Variants in G3BP1 observed in about 807,000 individuals in gnomAD.
The protein encoded by G3BP1 is ras GTPase-activating protein-binding protein 1.
G3BP1 carries 35 observed loss-of-function variants against 58.6 expected under a neutral mutation model. That is an observed-to-expected ratio of 0.60 (90% CI 0.46 to 0.79). The LOEUF (loss-of-function observed/expected upper bound fraction) is 0.79, where lower values mean the gene tolerates loss of function less well. G3BP1 is among the 30% of genes least tolerant of loss of function. The pLI is 0.00. For missense variants in G3BP1, 523 were observed against 580.8 expected, an observed-to-expected ratio of 0.90 and a Z score of 1.02; for synonymous variants, 191 against 195.4, an observed-to-expected ratio of 0.98 and a Z score of 0.19.
rs368131262 is a variant in G3BP1, at chr5:151,801,273, GCTT to G, written c.1194+411_1194+413del. Among the ~76,000 whole-genome samples, 24 of 152,218 alleles carry G rather than the reference GCTT, an allele frequency of 1.6e-4. No individual in the cohort carries two copies. In the East Asian group the frequency reaches 4.4e-3, roughly 28 times the overall value. ...TGTTTTTAGAGAATAACTATTAAGA[GCTT>G]CTTCTTTAAGTTAATAAATTGGATT... On this transcript the variant is annotated intron_variant, in intron 11 of 11. Transcript: ENST00000356245.
At chr5:151,781,898 A>T (rs535164646) in intron 1 of G3BP1, among the ~76,000 whole-genome samples, 5 of 152,162 alleles carry the variant, frequency 3.3e-5, no homozygotes, top group African/African-American at 9.6e-5. Context: ...CAGATTTTCA[A>T]CTCTGGGCTA....
chr5:151,796,297 C>G (rs991164602), intron 6 of G3BP1, among the ~76,000 whole-genome samples: 11 of 152,212 alleles, frequency 7.2e-5, no homozygotes, highest in African/African-American at 2.7e-4. Context: ...GAGACAGAGT[C>G]TTGCTCTGTT....
rs1276930538 is a variant in G3BP1 at position 151,771,988 on chromosome 5, CCT to C, written c.-96_-95del. 1 of 152,490 alleles carries C rather than the reference CCT, an allele frequency of 6.6e-6. No individual in the cohort carries two copies. The highest frequency in any genetic ancestry group is 1.5e-5 in the Non-Finnish European group (1 of 68,256). 9.4% of individuals were successfully genotyped at this position (152,490 alleles called of 1,614,324 possible). ...CAGTTGCGTGAGGGGTTTGTACTAT[CCT>C]CGGTGCTGTGGTGCAGAGCTAGTTC... On this transcript the variant is annotated 5_prime_UTR_variant, in exon 1 of 12. Coordinates refer to ENST00000356245, the MANE Select transcript of G3BP1 (RefSeq NM_005754.3).
At chr5:151,782,919 G>A (rs1192129558) in intron 1 of G3BP1, among the ~76,000 whole-genome samples, 2 of 141,396 alleles carry the variant, frequency 1.4e-5, no homozygotes, top group African/African-American at 2.7e-5. Flanking sequence ...GTGCAGTGGC[G>A]TGATCTCGGC....
chr5:151,774,063 G>C (rs994363625), intron 1 of G3BP1, among the ~76,000 whole-genome samples: 1 of 152,188 alleles, frequency 6.6e-6, no homozygotes, highest in African/African-American at 2.4e-5. Flanking sequence ...CTGATTACTT[G>C]TGCATTTATC....
Position 151,812,015 on chromosome 5 carries a change from C to T in G3BP1, c.*7924C>T, listed in dbSNP as rs899114269. The T allele has an allele frequency of 2.0e-5, 3 of 152,128 alleles. No individual in the cohort carries two copies. The highest frequency in any genetic ancestry group is 6.5e-5 in the Admixed American group (1 of 15,268). The allele number at this position is 152,128 out of a possible 1,614,324, so 9.4% of individuals were successfully genotyped here. A position where few individuals can be genotyped will look rare whatever the true frequency, so the allele number is the denominator to read the frequency against. ...TACTTTGGCTAGCTGTCAGAGTTGC[C>T]GCTATGTGAGCTTGTGACTTCTGGT... On this transcript the variant is annotated 3_prime_UTR_variant, in exon 12 of 12. Transcript: ENST00000356245.
At chr5:151,775,733 G>A (rs1284408164) in intron 1 of G3BP1, among the ~76,000 whole-genome samples, 3 of 152,196 alleles carry the variant, frequency 2.0e-5, no homozygotes, top group East Asian at 3.8e-4. Flanking sequence ...ATCTTTTCAC[G>A]TGATGAGAAA....
At chr5:151,795,719 T>A in intron 6 of G3BP1, 144 bp downstream of exon 6, 1 of 530,076 alleles carries the variant, frequency 1.9e-6, no homozygotes, top group Non-Finnish European at 3.4e-6. Flanking sequence ...TCTGGTAATT[T>A]TGACTAAACA....
rs182255032 is a variant in G3BP1 at position 151,779,195 on chromosome 5, C to T, written c.-50+7159C>T. On this transcript the variant is annotated intron_variant, in intron 1 of 11. Transcript: ENST00000356245. The stretch of plus-strand genomic sequence containing the variant: ...TTAATTTTGAGGCAGTCTACGTGAT[C>T]AATTCGCTTTCTTCTTCATTTGCTT... 1.3e-3 allele frequency among the ~76,000 whole-genome samples: 201 copies of T among 152,244 alleles called. 2 individuals are homozygous for T. The highest frequency in any genetic ancestry group is 6.2e-4 in the Non-Finnish European group (42 of 68,016).
At chr5:151,780,946 G>A (rs1054470624) in intron 1 of G3BP1, among the ~76,000 whole-genome samples, 21 of 152,132 alleles carry the variant, frequency 1.4e-4, no homozygotes, top group African/African-American at 4.8e-4. Flanking sequence ...AGTTAATGTA[G>A]TACAGTTGAA....
intron 1 of G3BP1, among the ~76,000 whole-genome samples, chr5:151,786,331 T>C (rs1341160317): frequency 6.6e-6 from 1 of 152,160 alleles, no homozygotes; most frequent in Non-Finnish European, 1.5e-5. Context: ...GTTGGAAATA[T>C]ATACCTTTGA....
intron 4 of G3BP1, chr5:151,791,340 A>T (rs1407150705): frequency 4.1e-6 from 1 of 246,402 alleles, no homozygotes; most frequent in Non-Finnish European, 8.0e-6. Context: ...TTGATGCAAT[A>T]TAATCTATAA....
chr5:151,786,843 TC>T, intron 2 of G3BP1, 128 bp downstream of exon 2: 2 of 631,710 alleles, frequency 3.2e-6, no homozygotes, highest in Non-Finnish European at 2.8e-6. Context: ...CATATAAATA[TC>T]CCCCAATTTT....
chr5:151,803,639 G>A (rs1011152260), intron 11 of G3BP1, among the ~76,000 whole-genome samples: 4 of 152,042 alleles, frequency 2.6e-5, no homozygotes, highest in African/African-American at 9.7e-5. Context: ...AACTACAGGC[G>A]TGTGTCACCA....
intron 1 of G3BP1, among the ~76,000 whole-genome samples, chr5:151,775,458 G>A (rs528227984): frequency 2.6e-5 from 4 of 152,380 alleles, no homozygotes; most frequent in Non-Finnish European, 4.4e-5. Flanking sequence ...ATTTTGAAAA[G>A]CATGTGGTAC....
intron 6 of G3BP1, among the ~76,000 whole-genome samples, chr5:151,796,429 C>T (rs1762751074): frequency 2.0e-5 from 3 of 152,126 alleles, no homozygotes; most frequent in Admixed American, 6.5e-5. Flanking sequence ...CCACCATGCC[C>T]GGCTAAGTTT....
At chr5:151,799,113 T>C (rs539598489) in intron 7 of G3BP1, 99 bp from the exon 8 acceptor site, 215 of 705,402 alleles carry the variant, frequency 3.0e-4, no homozygotes, top group Middle Eastern at 7.8e-4. Flanking sequence ...CCTATGAGAA[T>C]GTGTTACCGT....
chr5:151,785,006 A>G (rs1265591679), intron 1 of G3BP1, among the ~76,000 whole-genome samples: 2 of 152,236 alleles, frequency 1.3e-5, no homozygotes, highest in African/African-American at 4.8e-5. Flanking sequence ...AACTCAAAGT[A>G]GAATGTTTGG....
Position 151,806,901 on chromosome 5 carries a change from C to T in G3BP1, c.*2810C>T, listed in dbSNP as rs779259386. ...CCTGCCTTCCAAGTAGCCGGAACTA[C>T]AGGTGTGCACCATTGCACCTGGCCT... On this transcript the variant is annotated 3_prime_UTR_variant, in exon 12 of 12. Coordinates refer to ENST00000356245, the MANE Select transcript of G3BP1 (RefSeq NM_005754.3). 7.9e-5 allele frequency: 12 copies of T among 152,146 alleles called. No homozygotes were observed. Among genetic ancestry groups the T allele is most frequent in the Admixed American group, 4.6e-4 (7 of 15,272 alleles). 9.4% of individuals were successfully genotyped at this position (152,146 alleles called of 1,614,324 possible).
Sources: allele counts gnomAD v4.1 joint callset (sites outside exome capture counted in the v4.1 genomes callset), GRCh38; gene constraint gnomAD v4.1.1; transcripts MANE v1.5; gene names NCBI Gene and HGNC (gene_info 2026-07-23, HGNC 2026-07-21).